Variants in CRB1 observed in about 807,000 individuals in gnomAD.
CRB1 encodes the protein crumbs cell polarity complex component 1.
Under a neutral mutation model 120.0 loss-of-function variants are expected in CRB1, and 83 were observed. That is an observed-to-expected ratio of 0.69 (90% CI 0.58 to 0.83). The LOEUF is 0.83. Among genes scored for constraint, CRB1 ranks in the 40% least tolerant of loss-of-function variants. The pLI is 0.00. For synonymous variants in CRB1, 625 were observed against 612.5 expected (o/e 1.02, Z -0.30); for missense variants, 1,699 against 1,687.6 (o/e 1.01, Z -0.12).
chr1:197,381,544 C>T (rs1003101470), intron 5 of CRB1, among the ~76,000 whole-genome samples: 2 of 152,124 alleles, frequency 1.3e-5, no homozygotes, highest in Admixed American at 1.3e-4. Context: ...TGTAACTAAA[C>T]GTGTTTCCTC....
chr1:197,354,475 GTTTCTTCTTTC>G (rs1660315184), intron 4 of CRB1, among the ~76,000 whole-genome samples: 2 of 152,124 alleles, frequency 1.3e-5, no homozygotes, highest in Non-Finnish European at 2.9e-5. Flanking sequence ...CGTGTTCAGA[GTTTCTTCTTTC>G]TGGTGGGTTC....
chr1:197,351,423 T>C (rs1660100957), intron 4 of CRB1, among the ~76,000 whole-genome samples: 1 of 148,566 alleles, frequency 6.7e-6, no homozygotes. Context: ...GAAAAGAGCA[T>C]GTCCAATTGT....
At chr1:197,345,583 AC>A (rs1371351266) in intron 3 of CRB1, among the ~76,000 whole-genome samples, 1 of 132,540 alleles carries the variant, frequency 7.5e-6, no homozygotes, top group Non-Finnish European at 1.5e-5. Flanking sequence ...ATCTTGGTTC[AC>A]CGCAACCTCC....
chr1:197,453,576 G>GA (rs1558151947), intron 11 of CRB1, among the ~76,000 whole-genome samples: 47 of 118,522 alleles, frequency 4.0e-4, no homozygotes, highest in African/African-American at 9.3e-4. Context: ...AGAGGGAGAG[G>GA]GAGAGAGAGA....
chr1:197,334,201 G>GAA lies in CRB1; in HGVS notation c.652+5199_652+5200insAA, dbSNP rs536580648. 1.1e-4 allele frequency among the ~76,000 whole-genome samples: 16 copies of GAA among 152,322 alleles called. No homozygotes were observed. The South Asian group carries it at 3.3e-3, about 32-fold the overall frequency. ...CTACACTTTGAGAACCACTGACATAGACAGTTATGTGGATTTCCATGTGAC... is the reference window on the plus strand; with the variant it reads ...CTACACTTTGAGAACCACTGACATAGAAACAGTTATGTGGATTTCCATGTGAC... On this transcript the variant is annotated intron_variant, in intron 2 of 11. Transcript: ENST00000367400.
chr1:197,398,235 A>G (rs1377927910), intron 5 of CRB1, among the ~76,000 whole-genome samples: 2 of 152,166 alleles, frequency 1.3e-5, no homozygotes, highest in Non-Finnish European at 2.9e-5. Flanking sequence ...ATGCATTCTT[A>G]GCGTGATGAA....
At chr1:197,405,152 T>C (rs12381006) in intron 5 of CRB1, among the ~76,000 whole-genome samples, 9 of 152,016 alleles carry the variant, frequency 5.9e-5, no homozygotes, top group Admixed American at 5.9e-4. Flanking sequence ...ACTGCTGCCA[T>C]CTCGGCTCAC....
chr1:197,438,863 A>T (rs1665292846), intron 10 of CRB1, 188 bp downstream of exon 10: 1 of 577,608 alleles, frequency 1.7e-6, no homozygotes, highest in Non-Finnish European at 3.0e-6. Context: ...AGGGGAGAAC[A>T]TTTTATTAGA....
At chr1:197,368,746 TC>T (rs1446011719) in intron 5 of CRB1, among the ~76,000 whole-genome samples, 11 of 152,188 alleles carry the variant, frequency 7.2e-5, no homozygotes, top group Admixed American at 7.2e-4. Flanking sequence ...GGAAAAGCTC[TC>T]AAATGAATAA....
chr1:197,304,206 A>G (rs1657036970), intron 1 of CRB1, among the ~76,000 whole-genome samples: 1 of 152,204 alleles, frequency 6.6e-6, no homozygotes, highest in South Asian at 2.1e-4. Context: ...CAAAATCTTC[A>G]TAGCACATCT....
intron 1 of CRB1, among the ~76,000 whole-genome samples, chr1:197,269,916 T>C (rs1233357663): frequency 2.0e-5 from 3 of 152,246 alleles, no homozygotes; most frequent in Non-Finnish European, 4.4e-5. Flanking sequence ...ATTTTATTTG[T>C]TCTCCAGCAT....
the CRB1 span, among the ~76,000 whole-genome samples, chr1:197,243,529 G>C: frequency 6.6e-6 from 1 of 152,120 alleles, no homozygotes; most frequent in Non-Finnish European, 1.5e-5. Context: ...TGATTGCATG[G>C]TGGTCTGAGA....
intron 1 of CRB1, among the ~76,000 whole-genome samples, chr1:197,282,781 C>T (rs1360628505): frequency 1.3e-5 from 2 of 151,940 alleles, no homozygotes; most frequent in Admixed American, 1.3e-4. Context: ...CAATGTCTCT[C>T]ACTACTTCCT....
At chr1:197,278,824 T>A (rs530971269) in intron 1 of CRB1, among the ~76,000 whole-genome samples, 1 of 152,056 alleles carries the variant, frequency 6.6e-6, no homozygotes, top group South Asian at 2.1e-4. Flanking sequence ...AACTATATAT[T>A]AAGCAGTTAA....
chr1:197,220,204 G>A, the CRB1 span, among the ~76,000 whole-genome samples: 1 of 152,036 alleles, frequency 6.6e-6, no homozygotes, highest in Non-Finnish European at 1.5e-5. Context: ...GGAATAAAAG[G>A]AACACAGTAA....
chr1:197,373,133 C>T (rs143853813), intron 5 of CRB1, among the ~76,000 whole-genome samples: 3 of 152,258 alleles, frequency 2.0e-5, no homozygotes, highest in African/African-American at 7.2e-5. Context: ...TTTACCTCTT[C>T]TCCAATCATC....
intron 4 of CRB1, among the ~76,000 whole-genome samples, chr1:197,354,705 AAG>A (rs1028022276): frequency 1.3e-5 from 2 of 150,996 alleles, no homozygotes; most frequent in African/African-American, 4.9e-5. Context: ...GGGCAACAGC[AAG>A]AGTTATTTCA....
chr1:197,257,503 A>C, the CRB1 span, among the ~76,000 whole-genome samples: 179 of 152,256 alleles, frequency 1.2e-3, 1 homozygote, highest in African/African-American at 4.0e-3. Context: ...TGTGGAGGTG[A>C]ACTTTATTAA....
Position 197,427,514 on chromosome 1 carries a change from A to G in CRB1, c.2189A>G (p.Asp730Gly). 6.2e-7 allele frequency: 1 copy of G among 1,613,856 alleles called. No homozygotes were observed. Among genetic ancestry groups the G allele is most frequent in the East Asian group, 2.2e-5 (1 of 44,864 alleles). The change falls in exon 7 of 12, where the codon GAT (aspartate) becomes GGT (glycine). Residue 730 changes from aspartate to glycine, a missense_variant. Physicochemically the swap from Asp to Gly is moderately conservative, Grantham distance 94. Coordinates refer to ENST00000367400, the MANE Select transcript of CRB1 (RefSeq NM_201253.3). ...ACTGGTTATGTCATCTTTACTCTTG[A>G]TGAGAGCTATGGAGACACCATCAGC... ...DSTGYVIFTL[D>G]ESYGDTISLS...
Sources: allele counts gnomAD v4.1 joint callset (sites outside exome capture counted in the v4.1 genomes callset), GRCh38; gene constraint gnomAD v4.1.1; transcripts MANE v1.5; gene names NCBI Gene and HGNC (gene_info 2026-07-23, HGNC 2026-07-21).